The following SAMD5 variants were observed in gnomAD, a reference collection of about 807,000 sequenced individuals.
The protein encoded by SAMD5 is sterile alpha motif domain-containing protein 5.
SAMD5 carries 13 observed loss-of-function variants against 11.3 expected under a neutral mutation model. The ratio of observed to expected loss-of-function variants is 1.15; its 90% CI spans 0.75 to 1.83. The LOEUF (loss-of-function observed/expected upper bound fraction) is 1.83. SAMD5 is among the 40% of genes most tolerant of loss of function. The pLI is 0.00. For missense variants in SAMD5, 255 were observed against 239.1 expected, an observed-to-expected ratio of 1.07 and a Z score of -0.44; for synonymous variants, 129 against 111.3, an observed-to-expected ratio of 1.16 and a Z score of -1.00.
rs374638010 is a variant in SAMD5 at position 147,555,350 on chromosome 6, A to G, written c.460-9044A>G. On this transcript the variant is annotated intron_variant, in intron 1 of 1. Transcript: ENST00000367474. ...AACTGAGAACAAGCCATGCTTATTT[A>G]GACTTGGGTATTTGGCAGATTTCTT... 2.4e-4 allele frequency among the ~76,000 whole-genome samples: 36 copies of G among 152,362 alleles called. No individual in the cohort carries two copies. In the East Asian group the frequency reaches 4.6e-3, roughly 20 times the overall value.
intron 1 of SAMD5, among the ~76,000 whole-genome samples, chr6:147,545,269 C>T (rs1437557696): frequency 2.0e-5 from 3 of 152,282 alleles, no homozygotes; most frequent in Middle Eastern, 3.4e-3. Context: ...TTGAAGCAGA[C>T]ATTAGATTAA....
chr6:147,702,853 G>A (rs1459448218), intron 1 of SAMD5, among the ~76,000 whole-genome samples: 1 of 151,974 alleles, frequency 6.6e-6, no homozygotes, highest in Non-Finnish European at 1.5e-5. Context: ...CTGTCTGCCT[G>A]TTTCCCAGAA....
At chr6:147,832,633 T>C in the SAMD5 span, among the ~76,000 whole-genome samples, 1 of 152,240 alleles carries the variant, frequency 6.6e-6, no homozygotes, top group Non-Finnish European at 1.5e-5. Context: ...ATCACTAGGC[T>C]ATCTGATGAT....
chr6:147,728,095 C>G (rs1406887223), intron 1 of SAMD5, among the ~76,000 whole-genome samples: 2 of 152,122 alleles, frequency 1.3e-5, no homozygotes, highest in African/African-American at 4.8e-5. Context: ...GTTAGTAGGT[C>G]TAGTACTGAG....
At chr6:147,544,865 A>C (rs1356962912) in intron 1 of SAMD5, among the ~76,000 whole-genome samples, 1 of 152,202 alleles carries the variant, frequency 6.6e-6, no homozygotes, top group Admixed American at 6.5e-5. Context: ...CTGTAGACAA[A>C]ATGAACACTT....
At chr6:147,585,812 C>A (rs960573177) in intron 1 of SAMD5, among the ~76,000 whole-genome samples, 1 of 152,094 alleles carries the variant, frequency 6.6e-6, no homozygotes, top group African/African-American at 2.4e-5. Flanking sequence ...CGTGCCATTT[C>A]ACTTTTGAGA....
At chr6:147,705,664 G>C (rs140140163) in intron 1 of SAMD5, among the ~76,000 whole-genome samples, 1,723 of 152,264 alleles carry the variant, frequency 0.011, 33 homozygotes, top group African/African-American at 0.039. Context: ...AAATGCAAAA[G>C]TAACAGCAAA....
At chr6:147,516,551 A>C (rs1489546088) in intron 1 of SAMD5, among the ~76,000 whole-genome samples, 3 of 152,252 alleles carry the variant, frequency 2.0e-5, no homozygotes, top group African/African-American at 7.2e-5. Flanking sequence ...TAGAACTGCC[A>C]TAAAAAGTGC....
chr6:147,741,156 T>A (rs1791874276), downstream of SAMD5, among the ~76,000 whole-genome samples: 1 of 152,106 alleles, frequency 6.6e-6, no homozygotes, highest in Non-Finnish European at 1.5e-5. Flanking sequence ...GGACATTAGA[T>A]CTACTAGAGG....
intron 1 of SAMD5, among the ~76,000 whole-genome samples, chr6:147,605,458 G>A (rs956471509): frequency 6.6e-6 from 1 of 152,022 alleles, no homozygotes; most frequent in Non-Finnish European, 1.5e-5. Flanking sequence ...TGATAAGAAT[G>A]GATGGTAAAG....
chr6:147,816,280 C>CAAAA, the SAMD5 span, among the ~76,000 whole-genome samples: 4 of 12,720 alleles, frequency 3.1e-4, 1 homozygote, highest in African/African-American at 1.3e-3. Context: ...AACTCCGTCT[C>CAAAA]CAAAAAAAAA....
intron 1 of SAMD5, among the ~76,000 whole-genome samples, chr6:147,640,353 C>T (rs1374660840): frequency 1.3e-5 from 2 of 149,716 alleles, no homozygotes; most frequent in Non-Finnish European, 3.0e-5. Context: ...AAAAAATTGC[C>T]GGGTGTGGTG....
At chr6:147,510,680 AG>A (rs1407844740) in intron 1 of SAMD5, among the ~76,000 whole-genome samples, 1 of 152,232 alleles carries the variant, frequency 6.6e-6, no homozygotes, top group Non-Finnish European at 1.5e-5. Flanking sequence ...GATGGGAATA[AG>A]GGGTTTAATA....
intron 1 of SAMD5, among the ~76,000 whole-genome samples, chr6:147,537,150 CATAATTTTGGA>C (rs1314456079): frequency 6.6e-6 from 1 of 152,088 alleles, no homozygotes; most frequent in Non-Finnish European, 1.5e-5. Context: ...AGCAGTTTTA[CATAATTTTGGA>C]ATATATACCA....
intron 1 of SAMD5, among the ~76,000 whole-genome samples, chr6:147,686,879 A>G (rs1301899271): frequency 2.0e-5 from 3 of 152,082 alleles, no homozygotes; most frequent in Non-Finnish European, 2.9e-5. Flanking sequence ...GGGTTTTTCA[A>G]TCTTTTTATT....
At chr6:147,654,561 A>T (rs979802062) in intron 1 of SAMD5, among the ~76,000 whole-genome samples, 2 of 152,010 alleles carry the variant, frequency 1.3e-5, no homozygotes, top group Non-Finnish European at 1.5e-5. Flanking sequence ...CTAGGCCACT[A>T]CTGTTGCTCC....
At chr6:147,581,209 G>A (rs1273003721) in intron 1 of SAMD5, among the ~76,000 whole-genome samples, 2 of 152,144 alleles carry the variant, frequency 1.3e-5, no homozygotes, top group Non-Finnish European at 1.5e-5. Flanking sequence ...CTCCATGCAT[G>A]GCACCATTCA....
chr6:147,762,756 T>C, the SAMD5 span, among the ~76,000 whole-genome samples: 1 of 152,172 alleles, frequency 6.6e-6, no homozygotes, highest in Non-Finnish European at 1.5e-5. Flanking sequence ...TCCGGTTTAG[T>C]ACTTTCACTC....
the SAMD5 span, among the ~76,000 whole-genome samples, chr6:147,760,361 G>A: frequency 6.6e-4 from 100 of 152,226 alleles, 3 homozygotes; most frequent in South Asian, 0.02. Context: ...AAAAGCTTAT[G>A]TTTGATTATT....
Sources: allele counts gnomAD v4.1 joint callset (sites outside exome capture counted in the v4.1 genomes callset), GRCh38; gene constraint gnomAD v4.1.1; transcripts MANE v1.5; gene names NCBI Gene and HGNC (gene_info 2026-07-23, HGNC 2026-07-21).